OR1J2: variants seen among roughly 807,000 people sequenced by gnomAD.
The protein encoded by OR1J2 is olfactory receptor family 1 subfamily J member 2, also known as olfactory receptor 1J2.
For missense variants in OR1J2, 304 were observed against 246.1 expected (o/e 1.24, Z -1.57); for synonymous variants, 142 against 99.7 (o/e 1.42, Z -2.52).
chr9:122,513,825 C>T (rs1226085876), downstream of OR1J2, among the ~76,000 whole-genome samples: 1 of 151,976 alleles, frequency 6.6e-6, no homozygotes, highest in Non-Finnish European at 1.5e-5. Context: ...AAGGGCAAGC[C>T]GCAGACACTA....
chr9:122,480,563 T>C, the OR1J2 span, among the ~76,000 whole-genome samples: 1 of 152,092 alleles, frequency 6.6e-6, no homozygotes, highest in Non-Finnish European at 1.5e-5. Context: ...TTCTTTTTTT[T>C]TTTTGGCTGT....
At chr9:122,575,257 T>TAATTAATATA in the OR1J2 span, among the ~76,000 whole-genome samples, 1 of 152,148 alleles carries the variant, frequency 6.6e-6, no homozygotes, top group Non-Finnish European at 1.5e-5. Flanking sequence ...AGATTGTAGA[T>TAATTAATATA]AATTAATATA....
At chr9:122,455,162 G>A in the OR1J2 span, among the ~76,000 whole-genome samples, 1 of 152,148 alleles carries the variant, frequency 6.6e-6, no homozygotes, top group South Asian at 2.1e-4. Context: ...GCTATTGTTA[G>A]TAGTGCTGGT....
the OR1J2 span, among the ~76,000 whole-genome samples, chr9:122,493,840 A>G: frequency 1.3e-5 from 2 of 152,088 alleles, no homozygotes; most frequent in South Asian, 4.1e-4. Flanking sequence ...TAATGCTATG[A>G]ACTCTCCTCT....
At chr9:122,575,761 G>A in the OR1J2 span, among the ~76,000 whole-genome samples, 13,322 of 152,172 alleles carry the variant, frequency 0.088, 675 homozygotes, top group Middle Eastern at 0.13. Flanking sequence ...TGTGATAACA[G>A]CAACTAAAAT....
At chr9:122,503,210 G>C in the OR1J2 span, among the ~76,000 whole-genome samples, 73 of 152,198 alleles carry the variant, frequency 4.8e-4, no homozygotes, top group Admixed American at 4.8e-3. Flanking sequence ...AGTGGCTAAG[G>C]CATGGCGGAG....
the OR1J2 span, among the ~76,000 whole-genome samples, chr9:122,449,146 A>G: frequency 6.6e-6 from 1 of 152,130 alleles, no homozygotes; most frequent in Non-Finnish European, 1.5e-5. Context: ...ATAGCTTTAC[A>G]GTAGTACAAA....
At chr9:122,454,752 G>T in the OR1J2 span, among the ~76,000 whole-genome samples, 7 of 152,154 alleles carry the variant, frequency 4.6e-5, no homozygotes, top group African/African-American at 1.7e-4. Context: ...GTCTCACAGG[G>T]GAGGGACGCA....
the OR1J2 span, among the ~76,000 whole-genome samples, chr9:122,548,641 C>T: frequency 1.3e-4 from 19 of 151,604 alleles, no homozygotes; most frequent in African/African-American, 3.6e-4. Flanking sequence ...GTGTGCACAA[C>T]GTGCAGGTTT....
the OR1J2 span, among the ~76,000 whole-genome samples, chr9:122,454,517 A>G: frequency 1.5e-5 from 2 of 136,512 alleles, no homozygotes; most frequent in African/African-American, 6.2e-5. Flanking sequence ...GACTCGATCT[A>G]AAAAAAAAAA....
chr9:122,526,351 A>G, the OR1J2 span: 1 of 1,461,202 alleles, frequency 6.8e-7, no homozygotes, highest in African/African-American at 1.4e-5. Context: ...TGTTGCTGTC[A>G]CCACATCTAA....
upstream of OR1J2, chr9:122,510,798 G>A (rs933952303): frequency 6.7e-7 from 1 of 1,497,560 alleles, no homozygotes; most frequent in Non-Finnish European, 9.2e-7. Context: ...GAGGGCAAAG[G>A]AGTATGAGCC....
the OR1J2 span, chr9:122,478,052 T>C: frequency 4.6e-6 from 3 of 656,030 alleles, no homozygotes; most frequent in Non-Finnish European, 7.5e-6. Context: ...TGTCTTCATA[T>C]TTTCTTACAT....
chr9:122,505,127 G>A, the OR1J2 span, among the ~76,000 whole-genome samples: 783 of 152,280 alleles, frequency 5.1e-3, 8 homozygotes, highest in African/African-American at 0.018. Context: ...CACCTAGAAA[G>A]AAGCTGCCCG....
At chr9:122,508,485 T>G (rs1828571499), upstream of OR1J2, among the ~76,000 whole-genome samples, 1 of 151,966 alleles carries the variant, frequency 6.6e-6, no homozygotes, top group Non-Finnish European at 1.5e-5. Context: ...GGAAATTTTA[T>G]TAAAGGAATA....
the OR1J2 span, among the ~76,000 whole-genome samples, chr9:122,457,909 T>C: frequency 2.0e-5 from 3 of 152,356 alleles, no homozygotes; most frequent in Non-Finnish European, 4.4e-5. Flanking sequence ...CCCTTTCCTG[T>C]AATTTTTGTT....
chr9:122,533,458 G>A, the OR1J2 span, among the ~76,000 whole-genome samples: 1 of 152,066 alleles, frequency 6.6e-6, no homozygotes, highest in East Asian at 1.9e-4. Flanking sequence ...TAAGGAGGGA[G>A]TAGAGGTGTC....
At chr9:122,560,130 G>A in the OR1J2 span, among the ~76,000 whole-genome samples, 2 of 151,888 alleles carry the variant, frequency 1.3e-5, no homozygotes, top group South Asian at 4.2e-4. Flanking sequence ...AATCTGTTTT[G>A]TCAGAGACTA....
chr9:122,486,260 A>G, the OR1J2 span, among the ~76,000 whole-genome samples: 3 of 152,164 alleles, frequency 2.0e-5, no homozygotes, highest in African/African-American at 7.2e-5. Context: ...GTGCCCAGCC[A>G]ATGTAGGCAT....
Sources: gnomAD v4.1 joint callset for allele counts (sites outside exome capture counted in the v4.1 genomes callset) on GRCh38, gnomAD v4.1.1 for gene constraint, MANE v1.5 for transcripts, NCBI Gene and HGNC (gene_info 2026-07-23, HGNC 2026-07-21) for gene names.